Variants in KCNMB2 observed in about 807,000 individuals in gnomAD.
The protein encoded by KCNMB2 is calcium-activated potassium channel subunit beta-2.
In KCNMB2, 9 loss-of-function variants were observed where a neutral mutation model predicts 24.5. The observed-to-expected ratio is 0.37, with a 90% CI of 0.22 to 0.64. KCNMB2 has a LOEUF of 0.64. Among genes scored for constraint, KCNMB2 ranks in the 30% least tolerant of loss-of-function variants. The pLI, the probability that KCNMB2 is intolerant of heterozygous loss-of-function variation, is 0.63. For missense variants in KCNMB2, 226 were observed against 284.3 expected, an observed-to-expected ratio of 0.79 and a Z score of 1.47; for synonymous variants, 109 against 104.4, an observed-to-expected ratio of 1.04 and a Z score of -0.27.
At chr3:178,828,113 T>G (rs1435099875) in intron 3 of KCNMB2, 65 bp from the exon 4 acceptor site, 2 of 1,196,118 alleles carry the variant, frequency 1.7e-6, no homozygotes, top group Non-Finnish European at 2.4e-6. Flanking sequence ...AATAATTCCC[T>G]CGGACTATAC....
At chr3:178,598,962 C>T (rs1577038455) in intron 1 of KCNMB2, among the ~76,000 whole-genome samples, 1 of 152,194 alleles carries the variant, frequency 6.6e-6, no homozygotes, top group East Asian at 1.9e-4. Flanking sequence ...TTGGAATTTT[C>T]AGTGCTACTC....
chr3:178,769,161 G>T (rs1408233092), intron 1 of KCNMB2, among the ~76,000 whole-genome samples: 2 of 152,086 alleles, frequency 1.3e-5, no homozygotes, highest in African/African-American at 2.4e-5. Context: ...TTTCACTCAT[G>T]GTGTGTATGG....
intron 1 of KCNMB2, among the ~76,000 whole-genome samples, chr3:178,676,520 C>G (rs1475279314): frequency 6.6e-6 from 1 of 152,188 alleles, no homozygotes; most frequent in Non-Finnish European, 1.5e-5. Flanking sequence ...TCCAAGCACA[C>G]CTTAGTGGCT....
intron 1 of KCNMB2, among the ~76,000 whole-genome samples, chr3:178,559,667 T>C (rs1217545352): frequency 2.0e-5 from 3 of 146,388 alleles, no homozygotes. Context: ...CAGGACCCTT[T>C]TTTCCTCTGC....
At chr3:178,598,948 G>A (rs146871729) in intron 1 of KCNMB2, among the ~76,000 whole-genome samples, 15 of 152,164 alleles carry the variant, frequency 9.9e-5, no homozygotes, top group South Asian at 2.1e-4. Flanking sequence ...GGATAGACTC[G>A]AGGTTGGAAT....
In KCNMB2 at chr3:178,777,342, G is replaced by A. The variant is rs545930090; in HGVS notation, c.-67-30001G>A. Among the ~76,000 whole-genome samples the A allele has an allele frequency of 3.9e-5, 6 of 152,246 alleles. No individual in the cohort carries two copies. In the South Asian group the frequency reaches 8.3e-4, roughly 21 times the overall value. The stretch of plus-strand genomic sequence containing the variant: ...CCAAGCTACTCAGAGGCTGAGGCAG[G>A]AGAATTCCTTGAACCTGGGAGGCAG... On this transcript the variant is annotated intron_variant, in intron 1 of 4. Coordinates refer to ENST00000452583, the MANE Select transcript of KCNMB2 (RefSeq NM_181361.3).
chr3:178,817,290 A>G (rs1714446906), intron 2 of KCNMB2, among the ~76,000 whole-genome samples: 1 of 150,358 alleles, frequency 6.7e-6, no homozygotes, highest in Non-Finnish European at 1.5e-5. Context: ...TGAAATGTAC[A>G]CATTAAAAGA....
chr3:178,759,627 C>G (rs1204308413), intron 1 of KCNMB2, among the ~76,000 whole-genome samples: 2 of 121,160 alleles, frequency 1.7e-5, no homozygotes, highest in East Asian at 4.8e-4. Flanking sequence ...ATATATCTCT[C>G]TCCAAGAGGA....
At chr3:178,747,817 CAT>C (rs1456849984) in intron 1 of KCNMB2, among the ~76,000 whole-genome samples, 1 of 152,160 alleles carries the variant, frequency 6.6e-6, no homozygotes, top group African/African-American at 2.4e-5. Context: ...AAATCCAGTT[CAT>C]CTTTTTATGA....
chr3:178,592,849 G>C (rs1717725993), intron 1 of KCNMB2, among the ~76,000 whole-genome samples: 1 of 152,040 alleles, frequency 6.6e-6, no homozygotes, highest in Non-Finnish European at 1.5e-5. Flanking sequence ...CAGTTTGTTA[G>C]CATACTCTCT....
chr3:178,601,186 G>A (rs1335672658), intron 1 of KCNMB2, among the ~76,000 whole-genome samples: 1 of 137,834 alleles, frequency 7.3e-6, no homozygotes, highest in African/African-American at 2.7e-5. Flanking sequence ...ACATATGGGG[G>A]CCTGTCAGGG....
intron 1 of KCNMB2, among the ~76,000 whole-genome samples, chr3:178,631,224 A>C (rs970935109): frequency 6.6e-6 from 1 of 152,100 alleles, no homozygotes; most frequent in South Asian, 2.1e-4. Flanking sequence ...TCATCTTCCC[A>C]CTTCATATTC....
chr3:178,673,522 T>C (rs1720974544), intron 1 of KCNMB2, among the ~76,000 whole-genome samples: 1 of 152,016 alleles, frequency 6.6e-6, no homozygotes, highest in Non-Finnish European at 1.5e-5. Context: ...TTTACCAGCA[T>C]CTGTGCCTAT....
At chr3:178,567,327 C>T (rs982712573) in intron 1 of KCNMB2, among the ~76,000 whole-genome samples, 21 of 152,152 alleles carry the variant, frequency 1.4e-4, no homozygotes, top group African/African-American at 5.1e-4. Context: ...ACATAGAAAA[C>T]AGTTGGGGAG....
At chr3:178,562,787 G>A (rs1716371646) in intron 1 of KCNMB2, among the ~76,000 whole-genome samples, 1 of 152,184 alleles carries the variant, frequency 6.6e-6, no homozygotes, top group Non-Finnish European at 1.5e-5. Flanking sequence ...GTTCAGTTCT[G>A]AATATGACAC....
rs373057606 is a variant in KCNMB2 at position 178,694,687 on chromosome 3, C to A, written c.-67-112656C>A. Among the ~76,000 whole-genome samples, 8 of 152,346 alleles carry A rather than the reference C, an allele frequency of 5.3e-5. No homozygotes were observed. The East Asian group carries it at 1.5e-3, about 29-fold the overall frequency. On this transcript the variant is annotated intron_variant, in intron 1 of 4. Coordinates refer to ENST00000452583, the MANE Select transcript of KCNMB2 (RefSeq NM_181361.3). ...TTTAACCTTAAAGTTCCAAAATGAT[C>A]TCTTTTAACTCCATCTCTCAAATCC...
intron 1 of KCNMB2, among the ~76,000 whole-genome samples, chr3:178,655,539 C>T (rs538474808): frequency 6.6e-6 from 1 of 152,168 alleles, no homozygotes; most frequent in Non-Finnish European, 1.5e-5. Flanking sequence ...AAAGATCCCC[C>T]CTTGGTTGAT....
intron 1 of KCNMB2, among the ~76,000 whole-genome samples, chr3:178,746,785 T>C (rs528139437): frequency 1.2e-4 from 18 of 152,304 alleles, no homozygotes; most frequent in African/African-American, 4.3e-4. Flanking sequence ...ACCAGTCTCT[T>C]TGCTAAAGCA....
chr3:178,553,528 G>A (rs962990067), intron 1 of KCNMB2, among the ~76,000 whole-genome samples: 1 of 150,706 alleles, frequency 6.6e-6, no homozygotes, highest in South Asian at 2.1e-4. Flanking sequence ...ATCAGCTTCA[G>A]AGAGATTCCT....
Sources: gnomAD v4.1 joint callset for allele counts (sites outside exome capture counted in the v4.1 genomes callset) on GRCh38, gnomAD v4.1.1 for gene constraint, MANE v1.5 for transcripts, NCBI Gene and HGNC (gene_info 2026-07-23, HGNC 2026-07-21) for gene names.